Variants in COL4A5 observed in about 807,000 individuals in gnomAD.
COL4A5 encodes collagen alpha-5(IV) chain.
Under a neutral mutation model 130.2 loss-of-function variants are expected in COL4A5, and 26 were observed. The ratio of observed to expected loss-of-function variants is 0.20; its 90% confidence interval spans 0.15 to 0.28. COL4A5 has a LOEUF of 0.28. Ranked by LOEUF, COL4A5 falls within the 10% of genes least tolerant of loss-of-function variation. The pLI is 1.00. For missense variants in COL4A5, 1,131 were observed against 1,344.3 expected, an observed-to-expected ratio of 0.84 and a Z score of 2.48; for synonymous variants, 496 against 439.6, an observed-to-expected ratio of 1.13 and a Z score of -1.60.
intron 1 of COL4A5, among the ~76,000 whole-genome samples, chrX:108,461,959 T>C (rs1188692921): frequency 8.9e-6 from 1 of 111,976 alleles, no homozygotes; most frequent in Admixed American, 9.5e-5. Context: ...AAGGCAAGAA[T>C]ATAGACATAG....
intron 36 of COL4A5, among the ~76,000 whole-genome samples, chrX:108,628,300 G>A (rs1292186543): frequency 9.0e-6 from 1 of 110,949 alleles, no homozygotes; most frequent in Non-Finnish European, 1.9e-5. Context: ...ATTCTGAGCA[G>A]TTGCTAGAAC....
chrX:108,539,866 A>G, intron 2 of COL4A5, 61 bp downstream of exon 2: 2 of 955,018 alleles, frequency 2.1e-6, no homozygotes, highest in African/African-American at 1.9e-5. Flanking sequence ...GGTTTTAATA[A>G]ATATTTTTTT....
chrX:108,578,199 T>C (rs919391467), intron 12 of COL4A5, 80 bp downstream of exon 12: 14 of 1,134,687 alleles, frequency 1.2e-5, no homozygotes, highest in Non-Finnish European at 1.6e-5. Context: ...TTTCTTTCTC[T>C]TGCTTCTTGA....
chrX:108,458,865 A>G (rs777393234), intron 1 of COL4A5, among the ~76,000 whole-genome samples: 9 of 110,975 alleles, frequency 8.1e-5, no homozygotes, highest in East Asian at 5.7e-4. Flanking sequence ...CTGTAGTCCC[A>G]GCTACTGGGG....
chrX:108,502,418 T>TG (rs887817603), intron 1 of COL4A5, among the ~76,000 whole-genome samples: 30 of 110,425 alleles, frequency 2.7e-4, no homozygotes, highest in African/African-American at 9.9e-4. Flanking sequence ...CCTGAGTAGC[T>TG]GGGATTACGG....
At chrX:108,622,285 C>T (rs753300876) in intron 32 of COL4A5, among the ~76,000 whole-genome samples, 28 of 110,694 alleles carry the variant, frequency 2.5e-4, no homozygotes, top group Non-Finnish European at 4.7e-4. Context: ...CCTGCCACCA[C>T]GCCCGGCTAA....
intron 1 of COL4A5, among the ~76,000 whole-genome samples, chrX:108,519,959 G>A (rs111653792): frequency 9.0e-6 from 1 of 111,542 alleles, no homozygotes; most frequent in African/African-American, 3.2e-5. Flanking sequence ...AATTTTCTCT[G>A]TATGCAATCA....
chrX:108,451,234 C>T (rs1242296663), intron 1 of COL4A5, among the ~76,000 whole-genome samples: 9 of 110,599 alleles, frequency 8.1e-5, no homozygotes, highest in Non-Finnish European at 1.5e-4. Flanking sequence ...TTTCTTAATC[C>T]AGTCTATCAT....
chrX:108,616,763 A>G (rs1279648489), intron 30 of COL4A5, among the ~76,000 whole-genome samples: 2 of 111,097 alleles, frequency 1.8e-5, no homozygotes, highest in Non-Finnish European at 3.8e-5. Context: ...GTAATGTTTT[A>G]TTAATCTAAT....
At chrX:108,502,609 T>C in intron 1 of COL4A5, among the ~76,000 whole-genome samples, 1 of 112,257 alleles carries the variant, frequency 8.9e-6, no homozygotes, top group South Asian at 3.7e-4. Flanking sequence ...GTTTTTTGTG[T>C]AGTCCGTTGC....
rs761419877 is a variant in COL4A5, at chrX:108,440,271, T to TTG, written c.81+65_81+66insTG. On this transcript the variant is annotated intron_variant, in intron 1 of 52. Transcript: ENST00000328300. Reference sequence around the variant, plus strand: ...TTTCACGCTGAAATTACCTTTTTTTTGGGGGGGGGGTCCCTTTATCTTCCT... The same window carrying TTG: ...TTTCACGCTGAAATTACCTTTTTTTTTGGGGGGGGGGGTCCCTTTATCTTCCT... 4.3e-5 allele frequency: 27 copies of TTG among 632,958 alleles called. No homozygotes were observed. The African/African-American group carries it at 5.3e-4, about 12-fold the overall frequency. The allele number at this position is 632,958 out of a possible 1,213,427, so 52.2% of individuals were successfully genotyped here. A position where few individuals can be genotyped will look rare whatever the true frequency, so the allele number is the denominator to read the frequency against.
rs369315459 is a variant in COL4A5 at position 108,648,280 on chromosome X, A to G, written c.3247-7051A>G. Among the ~76,000 whole-genome samples the G allele has an allele frequency of 8.1e-5, 9 of 111,311 alleles. No homozygotes were observed. In the East Asian group the frequency reaches 2.0e-3, roughly 24 times the overall value. Reference sequence around the variant, plus strand: ...GTAATTAAAAAATTACCAACAAAAAAAAGTCTAGGACCAGATGAATTCACA... The same window carrying G: ...GTAATTAAAAAATTACCAACAAAAAGAAGTCTAGGACCAGATGAATTCACA... On this transcript the variant is annotated intron_variant, in intron 36 of 52. Coordinates refer to ENST00000328300, the MANE Select transcript of COL4A5 (RefSeq NM_033380.3).
chrX:108,623,918 T>C (rs1481180914), intron 33 of COL4A5, among the ~76,000 whole-genome samples: 2 of 111,912 alleles, frequency 1.8e-5, no homozygotes, highest in Non-Finnish European at 3.8e-5. Flanking sequence ...ATAGGCTTAT[T>C]AAATATAGTC....
intron 50 of COL4A5, chrX:108,694,121 G>A (rs554606077): frequency 2.7e-5 from 3 of 110,670 alleles, no homozygotes; most frequent in Non-Finnish European, 3.7e-5. Flanking sequence ...TTGTCTAAAT[G>A]TATTAACTAT....
At position 108,580,705 on chromosome X, in the gene COL4A5, T is replaced by C. The variant is rs183837448; in HGVS notation, c.858T>C (p.Gly286=). Residue 286 remains glycine (G), a synonymous_variant, in exon 15 of 53, where the codon GGT becomes GGC. Coordinates refer to ENST00000328300, the MANE Select transcript of COL4A5 (RefSeq NM_033380.3). The part of the protein sequence containing the change: ...GPPGPPGGEK[G]EKGEQGEPGK... ...AGGGTCCCCCAGGTGGTGAGAAAGGTGAGAAGGGTGAGCAAGGAGAGCCAG... is the reference window on the plus strand; with the variant it reads ...AGGGTCCCCCAGGTGGTGAGAAAGGCGAGAAGGGTGAGCAAGGAGAGCCAG... 468 of 1,208,432 alleles carry C rather than the reference T, an allele frequency of 3.9e-4. No individual in the cohort carries two copies. The highest frequency in any genetic ancestry group is 5.0e-4 in the Non-Finnish European group (448 of 894,339).
At position 108,598,729 on chromosome X, in the gene COL4A5, G is replaced by C; in HGVS notation, c.1807G>C (p.Gly603Arg). Residue 603 changes from glycine to arginine, a missense_variant, in exon 25 of 53, where the codon GGT (glycine) becomes CGT (arginine). By Grantham distance (125) the Gly-to-Arg change is moderately radical (BLOSUM62 -2). Coordinates refer to ENST00000328300, the MANE Select transcript of COL4A5 (RefSeq NM_033380.3). ...TGGAATTACTTTTAAGGGTGAAAGAGGTCCCCCTGGGAACCCAGGTTTACC... is the reference window on the plus strand; with the variant it reads ...TGGAATTACTTTTAAGGGTGAAAGACGTCCCCCTGGGAACCCAGGTTTACC... ...PGGITFKGERGPPGNPGLPGL... is the reference protein window; with the variant it reads ...PGGITFKGERRPPGNPGLPGL... 8.3e-7 allele frequency: 1 copy of C among 1,210,602 alleles called. No individual in the cohort carries two copies.
At chrX:108,642,885 C>T (rs2067501180) in intron 36 of COL4A5, among the ~76,000 whole-genome samples, 1 of 106,263 alleles carries the variant, frequency 9.4e-6, no homozygotes, top group African/African-American at 3.4e-5. Flanking sequence ...ACTAGTTCAC[C>T]AGCAATGGAT....
intron 36 of COL4A5, among the ~76,000 whole-genome samples, chrX:108,633,505 AT>A (rs1220222998): frequency 3.6e-5 from 4 of 110,925 alleles, no homozygotes; most frequent in Non-Finnish European, 7.6e-5. Context: ...TTGTATTTAA[AT>A]TTTTTTTCCA....
intron 1 of COL4A5, among the ~76,000 whole-genome samples, chrX:108,512,521 T>C (rs2065187115): frequency 8.9e-6 from 1 of 111,808 alleles, no homozygotes; most frequent in Non-Finnish European, 1.9e-5. Flanking sequence ...AATGAAGATT[T>C]ATTTTTTTTT....
Sources: gnomAD v4.1 joint callset for allele counts (sites outside exome capture counted in the v4.1 genomes callset) on GRCh38, gnomAD v4.1.1 for gene constraint, MANE v1.5 for transcripts, NCBI Gene and HGNC (gene_info 2026-07-23, HGNC 2026-07-21) for gene names.